The following LRRC4C variants were observed in gnomAD, a reference collection of about 807,000 sequenced individuals.
LRRC4C encodes leucine rich repeat containing 4C, also known as leucine-rich repeat-containing protein 4C.
Under a neutral mutation model 33.6 loss-of-function variants are expected in LRRC4C, and 5 were observed. The observed-to-expected ratio is 0.15, with a 90% CI of 0.08 to 0.31. The LOEUF (loss-of-function observed/expected upper bound fraction) is 0.31, where lower values mean the gene tolerates loss of function less well. Ranked by LOEUF, LRRC4C falls within the 10% of genes least tolerant of loss-of-function variation. The probability of loss-of-function intolerance (pLI) is 1.00; values close to 1 mark genes in which losing one functional copy is unlikely to be tolerated. For synonymous variants in LRRC4C, 329 were observed against 302.0 expected (o/e 1.09, Z -0.93); for missense variants, 560 against 796.7 (o/e 0.70, Z 3.58).
At chr11:41,279,455 T>C (rs539526611) in intron 1 of LRRC4C, among the ~76,000 whole-genome samples, 3 of 148,102 alleles carry the variant, frequency 2.0e-5, no homozygotes, top group African/African-American at 7.5e-5. Context: ...CTGCAATGGG[T>C]ACAAGAAGGC....
chr11:40,723,916 T>G (rs1188921815), intron 2 of LRRC4C, among the ~76,000 whole-genome samples: 1 of 152,026 alleles, frequency 6.6e-6, no homozygotes, highest in Non-Finnish European at 1.5e-5. Flanking sequence ...TGGAGAAATA[T>G]CTACAATGCA....
chr11:41,347,923 G>A (rs1339201714), intron 1 of LRRC4C, among the ~76,000 whole-genome samples: 1 of 152,166 alleles, frequency 6.6e-6, no homozygotes, highest in African/African-American at 2.4e-5. Context: ...ATGAAGCCAA[G>A]GAAAATGAAG....
At chr11:40,342,339 C>A (rs773756672) in intron 3 of LRRC4C, among the ~76,000 whole-genome samples, 4 of 151,922 alleles carry the variant, frequency 2.6e-5, no homozygotes, top group Admixed American at 6.6e-5. Flanking sequence ...CATGGTGGTG[C>A]GCACCTCTAG....
intron 1 of LRRC4C, among the ~76,000 whole-genome samples, chr11:41,088,232 C>A (rs775314944): frequency 6.6e-5 from 10 of 152,060 alleles, no homozygotes; most frequent in Non-Finnish European, 1.3e-4. Context: ...AATATCAGAG[C>A]AATGAGTTGA....
chr11:40,895,060 T>C (rs547525724), intron 2 of LRRC4C, among the ~76,000 whole-genome samples: 1 of 152,272 alleles, frequency 6.6e-6, no homozygotes, highest in South Asian at 2.1e-4. Context: ...GTACGGAATG[T>C]ATTTATTGGT....
At position 41,421,880 on chromosome 11, in the gene LRRC4C, G is replaced by A. The variant is rs189870934; in HGVS notation, c.-496+37551C>T. 2.0e-4 allele frequency among the ~76,000 whole-genome samples: 31 copies of A among 152,130 alleles called. 1 individual carries two copies. Among genetic ancestry groups the A allele is most frequent in the Admixed American group, 1.7e-3 (26 of 15,250 alleles). Reference sequence around the variant, plus strand: ...GTTTTAATTAAGCAGGAAGGAGTTCGAGGGTGTAGGACAGAGCAGATTGAG... The same window carrying A: ...GTTTTAATTAAGCAGGAAGGAGTTCAAGGGTGTAGGACAGAGCAGATTGAG... On this transcript the variant is annotated intron_variant, in intron 1 of 6. Coordinates refer to ENST00000528697, the MANE Select transcript of LRRC4C (RefSeq NM_001258419.2).
intron 6 of LRRC4C, among the ~76,000 whole-genome samples, chr11:40,134,278 G>A (rs1284456729): frequency 2.0e-5 from 3 of 152,106 alleles, no homozygotes; most frequent in Admixed American, 2.0e-4. Context: ...TTGAAAACAG[G>A]CACAAGTTGG....
At chr11:40,975,351 A>C (rs576743810) in intron 1 of LRRC4C, among the ~76,000 whole-genome samples, 1 of 152,196 alleles carries the variant, frequency 6.6e-6, no homozygotes, top group Non-Finnish European at 1.5e-5. Flanking sequence ...CTAACTACTT[A>C]TGGATAGATA....
intron 2 of LRRC4C, among the ~76,000 whole-genome samples, chr11:40,867,244 G>C (rs533783729): frequency 6.6e-6 from 1 of 152,188 alleles, no homozygotes; most frequent in South Asian, 2.1e-4. Flanking sequence ...TTCCATCATT[G>C]TACTCCATAT....
chr11:41,027,246 C>T (rs369852428), intron 1 of LRRC4C, among the ~76,000 whole-genome samples: 23 of 151,460 alleles, frequency 1.5e-4, no homozygotes, highest in African/African-American at 4.8e-4. Flanking sequence ...AAATGATAGC[C>T]GAAGCATTGT....
intron 1 of LRRC4C, among the ~76,000 whole-genome samples, chr11:41,213,607 G>T (rs1946914490): frequency 6.6e-6 from 1 of 152,162 alleles, no homozygotes; most frequent in Non-Finnish European, 1.5e-5. Flanking sequence ...TTTTGAGCAG[G>T]AAAGTTTCTA....
chr11:40,128,740 G>A (rs769309330), intron 6 of LRRC4C, among the ~76,000 whole-genome samples: 11 of 151,886 alleles, frequency 7.2e-5, no homozygotes, highest in Non-Finnish European at 1.2e-4. Flanking sequence ...CCTTGTTCCC[G>A]CCTCAGGACC....
intron 1 of LRRC4C, among the ~76,000 whole-genome samples, chr11:40,938,848 G>GT (rs774011737): frequency 9.2e-5 from 14 of 152,144 alleles, no homozygotes; most frequent in Non-Finnish European, 1.9e-4. Context: ...ATGCTACAAT[G>GT]TAATGGTTCT....
At chr11:40,530,702 A>T (rs527502527) in intron 3 of LRRC4C, among the ~76,000 whole-genome samples, 1 of 152,204 alleles carries the variant, frequency 6.6e-6, no homozygotes, top group Non-Finnish European at 1.5e-5. Flanking sequence ...GCTGTGGAAG[A>T]CACAGCCATG....
At chr11:41,031,928 C>T (rs900503031) in intron 1 of LRRC4C, among the ~76,000 whole-genome samples, 2 of 151,924 alleles carry the variant, frequency 1.3e-5, no homozygotes, top group South Asian at 2.1e-4. Context: ...ACTGTGATAA[C>T]TTTGGTTAAA....
chr11:40,815,952 T>C (rs1377785017), intron 2 of LRRC4C, among the ~76,000 whole-genome samples: 2 of 152,194 alleles, frequency 1.3e-5, no homozygotes, highest in Non-Finnish European at 2.9e-5. Context: ...TCTATACATG[T>C]AGTCAAAATT....
chr11:40,852,707 A>G (rs1953570081), intron 2 of LRRC4C, among the ~76,000 whole-genome samples: 1 of 152,196 alleles, frequency 6.6e-6, no homozygotes, highest in African/African-American at 2.4e-5. Context: ...GCTGTCAACA[A>G]CCAAGAACAT....
intron 3 of LRRC4C, chr11:40,446,257 G>A (rs1221715073): frequency 1.3e-5 from 2 of 152,052 alleles, no homozygotes; most frequent in Non-Finnish European, 2.9e-5. Context: ...AAATGCTCAT[G>A]ATTTCTGATA....
chr11:40,885,933 T>C (rs1253505113), intron 2 of LRRC4C, among the ~76,000 whole-genome samples: 1 of 152,044 alleles, frequency 6.6e-6, no homozygotes, highest in Non-Finnish European at 1.5e-5. Flanking sequence ...GAATGCAGAA[T>C]GCATGGGGCT....
Sources: allele counts gnomAD v4.1 joint callset (sites outside exome capture counted in the v4.1 genomes callset), GRCh38; gene constraint gnomAD v4.1.1; transcripts MANE v1.5; gene names NCBI Gene and HGNC (gene_info 2026-07-23, HGNC 2026-07-21).